Variants in SMYD3 observed in about 807,000 individuals in gnomAD.
SMYD3 encodes SET and MYND domain containing 3.
A neutral mutation model predicts 57.7 loss-of-function variants in SMYD3; 36 were observed. The ratio of observed to expected loss-of-function variants is 0.62; its 90% CI spans 0.48 to 0.82. The LOEUF is 0.82. SMYD3 is among the 40% of genes least tolerant of loss of function. The pLI is 0.00. For synonymous variants in SMYD3, 211 were observed against 195.0 expected (o/e 1.08, Z -0.68); for missense variants, 515 against 538.8 (o/e 0.96, Z 0.44).
intron 5 of SMYD3, among the ~76,000 whole-genome samples, chr1:246,040,030 A>T (rs1222454775): frequency 6.6e-6 from 1 of 152,240 alleles, no homozygotes; most frequent in African/African-American, 2.4e-5. Flanking sequence ...TCTGTGATGT[A>T]ATAGAATTAA....
intron 5 of SMYD3, among the ~76,000 whole-genome samples, chr1:246,230,343 CA>C: frequency 6.6e-6 from 1 of 152,046 alleles, no homozygotes; most frequent in Admixed American, 6.5e-5. Context: ...AATCGCTCAC[CA>C]GAAAGATTTA....
At chr1:246,344,977 G>A (rs1427614483) in intron 2 of SMYD3, among the ~76,000 whole-genome samples, 1 of 152,146 alleles carries the variant, frequency 6.6e-6, no homozygotes, top group Non-Finnish European at 1.5e-5. Flanking sequence ...GAGAAGGAGG[G>A]AGAGAAAGAG....
At chr1:245,750,949 A>G (rs956007821) in intron 11 of SMYD3, among the ~76,000 whole-genome samples, 1 of 152,222 alleles carries the variant, frequency 6.6e-6, no homozygotes, top group African/African-American at 2.4e-5. Context: ...CAACAGCTGA[A>G]GCCTGCTCTC....
chr1:246,324,926 C>A (rs1458217006), intron 5 of SMYD3, among the ~76,000 whole-genome samples: 1 of 145,932 alleles, frequency 6.9e-6, no homozygotes, highest in African/African-American at 2.6e-5. Flanking sequence ...TCCCTGAAAG[C>A]TGCAGGATCT....
At chr1:246,050,074 T>TA (rs1259696387) in intron 5 of SMYD3, among the ~76,000 whole-genome samples, 2 of 152,196 alleles carry the variant, frequency 1.3e-5, no homozygotes, top group African/African-American at 2.4e-5. Flanking sequence ...TTTCACGAAA[T>TA]ACTTAGAGAT....
intron 10 of SMYD3, among the ~76,000 whole-genome samples, chr1:245,790,195 G>A (rs1340779035): frequency 6.6e-6 from 1 of 152,216 alleles, no homozygotes. Flanking sequence ...GCTGGTAGAT[G>A]AGTAAAAATT....
chr1:246,328,171 A>G (rs116502183), intron 4 of SMYD3, among the ~76,000 whole-genome samples: 1 of 152,168 alleles, frequency 6.6e-6, no homozygotes, highest in African/African-American at 2.4e-5. Flanking sequence ...TCCAGCCTGG[A>G]CAAAAAGAGA....
At chr1:246,091,724 T>C (rs950734530) in intron 5 of SMYD3, among the ~76,000 whole-genome samples, 5 of 152,234 alleles carry the variant, frequency 3.3e-5, no homozygotes, top group Admixed American at 1.3e-4. Flanking sequence ...CTTGGAAATA[T>C]GTGAGCTCAA....
rs1015150293 is a variant in SMYD3, at chr1:246,185,548, G to A, written c.531+141653C>T. Reference sequence around the variant, plus strand: ...GCGATCTCGGCTCACTGCAAGCTCCGCCTCCCGGGTTCAAGCCATTCTCCT... The same window carrying A: ...GCGATCTCGGCTCACTGCAAGCTCCACCTCCCGGGTTCAAGCCATTCTCCT... On this transcript the variant is annotated intron_variant, in intron 5 of 11. Transcript: ENST00000490107. Among the ~76,000 whole-genome samples, 8 of 145,480 alleles carry A rather than the reference G, an allele frequency of 5.5e-5. No individual in the cohort carries two copies. In the East Asian group the frequency reaches 1.7e-3, roughly 30 times the overall value.
In SMYD3 at chr1:246,215,366, G is replaced by A. The variant is rs2063149236; in HGVS notation, c.531+111835C>T. On this transcript the variant is annotated intron_variant, in intron 5 of 11. Transcript: ENST00000490107. ...ACACACACGCTGGGGCTTCATGCAT[G>A]TAGTTAAATAAATAACTTTGAGATC... Among the ~76,000 whole-genome samples, 2 of 152,078 alleles carry A rather than the reference G, an allele frequency of 1.3e-5. 1 individual carries two copies. Among genetic ancestry groups the A allele is most frequent in the African/African-American group, 4.8e-5 (2 of 41,352 alleles).
chr1:246,151,408 G>C (rs2061939848), intron 5 of SMYD3, among the ~76,000 whole-genome samples: 3 of 151,972 alleles, frequency 2.0e-5, no homozygotes, highest in Non-Finnish European at 4.4e-5. Context: ...GGGGTTCATG[G>C]CCAAGGTGTT....
rs377664877 is a variant in SMYD3 at position 246,355,067 on chromosome 1, C to G, written c.192G>C (p.Gln64His). The G allele has an allele frequency of 1.5e-4, 239 of 1,614,038 alleles. No individual in the cohort carries two copies. Among genetic ancestry groups the G allele is most frequent in the Non-Finnish European group, 2.0e-4 (236 of 1,180,026 alleles). The change falls in exon 2 of 12, where the codon CAG (glutamine) becomes CAC (histidine). Residue 64 changes from glutamine to histidine, a missense_variant. Coordinates refer to ENST00000490107, the MANE Select transcript of SMYD3 (RefSeq NM_001167740.2). The surrounding 1 kb of genome is among the most constrained non-coding windows in gnomAD (Gnocchi z 5.0). ...LGKEKLMRCS[Q>H]CRVAKYCSAK... is the part of the protein sequence containing the mutation. ...CACTACAGTATTTGGCGACGCGGCA[C>G]TGAGAGCATCGCATCAGCTTTTCCT...
intron 5 of SMYD3, among the ~76,000 whole-genome samples, chr1:246,173,810 A>G (rs1365581202): frequency 6.6e-6 from 1 of 151,918 alleles, no homozygotes; most frequent in African/African-American, 2.4e-5. Flanking sequence ...TAATTTTTTA[A>G]TGCTTTTTTT....
intron 4 of SMYD3, 21 bp from the exon 5 acceptor site, chr1:246,327,358 A>G: frequency 6.3e-7 from 1 of 1,599,146 alleles, no homozygotes; most frequent in Non-Finnish European, 8.5e-7. Context: ...GAGAAAATAA[A>G]TAGCACAATC....
chr1:245,808,507 C>A (rs2048301371), intron 10 of SMYD3, among the ~76,000 whole-genome samples: 1 of 152,194 alleles, frequency 6.6e-6, no homozygotes, highest in African/African-American at 2.4e-5. Context: ...TGAGAACCAC[C>A]TGACTCAGGA....
intron 8 of SMYD3, among the ~76,000 whole-genome samples, chr1:245,881,293 G>C (rs2052765091): frequency 2.0e-5 from 3 of 152,136 alleles, no homozygotes; most frequent in African/African-American, 7.2e-5. Flanking sequence ...GATGATAACT[G>C]GAAATATATA....
intron 5 of SMYD3, among the ~76,000 whole-genome samples, chr1:246,123,571 A>ACC (rs757141412): frequency 2.3e-5 from 3 of 129,488 alleles, no homozygotes; most frequent in Non-Finnish European, 4.9e-5. Flanking sequence ...TCCATCTCAA[A>ACC]ACACACACAC....
chr1:246,425,162 C>T (rs1254332348), intron 1 of SMYD3, among the ~76,000 whole-genome samples: 1 of 152,116 alleles, frequency 6.6e-6, no homozygotes, highest in Admixed American at 6.6e-5. Context: ...TTCCAAAGTG[C>T]CAGTCCAGAC....
At chr1:246,092,028 A>G (rs186000471) in intron 5 of SMYD3, among the ~76,000 whole-genome samples, 2 of 152,206 alleles carry the variant, frequency 1.3e-5, no homozygotes, top group Admixed American at 1.3e-4. Flanking sequence ...TTTAAAAAGT[A>G]TATGTAGCTT....
Sources: allele counts gnomAD v4.1 joint callset (sites outside exome capture counted in the v4.1 genomes callset), GRCh38; gene constraint gnomAD v4.1.1; non-coding constraint Gnocchi (gnomAD v3.1); transcripts MANE v1.5; gene names NCBI Gene and HGNC (gene_info 2026-07-23, HGNC 2026-07-21).